Variants in NLRP13 observed in about 807,000 individuals in gnomAD.
The protein encoded by NLRP13 is NACHT, LRR and PYD domains-containing protein 13.
Under a neutral mutation model 94.4 loss-of-function variants are expected in NLRP13, and 82 were observed. The ratio of observed to expected loss-of-function variants is 0.87; its 90% CI spans 0.73 to 1.04. The LOEUF (loss-of-function observed/expected upper bound fraction) is 1.04. Among genes scored for constraint, NLRP13 ranks in the 50% least tolerant of loss-of-function variants. The probability of loss-of-function intolerance (pLI) is 0.00; values close to 1 mark genes in which losing one functional copy is unlikely to be tolerated. For missense variants in NLRP13, 1,426 were observed against 1,230.8 expected, an observed-to-expected ratio of 1.16 and a Z score of -2.37; for synonymous variants, 553 against 464.7, an observed-to-expected ratio of 1.19 and a Z score of -2.45.
intron 4 of NLRP13, among the ~76,000 whole-genome samples, chr19:55,920,348 C>G (rs77796996): frequency 0.018 from 2,714 of 152,160 alleles, 87 homozygotes; most frequent in African/African-American, 0.062. Context: ...TAAGAAGTTT[C>G]TACACAGCAA....
chr19:55,913,827 T>C (rs1351394080), intron 4 of NLRP13, among the ~76,000 whole-genome samples: 1 of 151,946 alleles, frequency 6.6e-6, no homozygotes, highest in East Asian at 1.9e-4. Flanking sequence ...CTCGTGAGTG[T>C]GCCCACTCCA....
chr19:55,909,352 C>T (rs1600266337), intron 6 of NLRP13, among the ~76,000 whole-genome samples: 1 of 152,130 alleles, frequency 6.6e-6, no homozygotes, highest in Non-Finnish European at 1.5e-5. Flanking sequence ...AGAGGACCCT[C>T]CCCCTGCTCA....
chr19:55,901,807 C>T (rs1424719444), intron 9 of NLRP13, among the ~76,000 whole-genome samples: 1 of 152,078 alleles, frequency 6.6e-6, no homozygotes, highest in East Asian at 1.9e-4. Context: ...CCGAGTCCTC[C>T]CAGTGAAACA....
intron 8 of NLRP13, among the ~76,000 whole-genome samples, chr19:55,904,599 C>T (rs10500319): frequency 0.037 from 5,594 of 152,234 alleles, 293 homozygotes; most frequent in East Asian, 0.27. Flanking sequence ...ACTCATAAAA[C>T]TATACCTTCC....
intron 4 of NLRP13, among the ~76,000 whole-genome samples, chr19:55,915,490 C>T (rs572266614): frequency 8.5e-5 from 13 of 152,076 alleles, no homozygotes; most frequent in African/African-American, 1.4e-4. Context: ...CCCAGCTACT[C>T]GGGAGGCTGA....
Position 55,912,060 on chromosome 19 carries a change from A to G in NLRP13, c.1757T>C (p.Leu586Pro), listed in dbSNP as rs767498357. 9.4e-5 allele frequency: 152 copies of G among 1,614,126 alleles called. No individual in the cohort carries two copies. The highest frequency in any genetic ancestry group is 1.8e-4 in the Admixed American group (11 of 60,010). ...DKEAYWTPVVLFFFGLLNKNI... is the reference protein window; with the variant it reads ...DKEAYWTPVVPFFFGLLNKNI... Reference sequence around the variant, plus strand: ...TTTATTTAAAAGACCAAAGAAGAACAGAACCACTGGAGTCCAGTAGGCTTC... The same window carrying G: ...TTTATTTAAAAGACCAAAGAAGAACGGAACCACTGGAGTCCAGTAGGCTTC... The change falls in exon 5 of 11, where the codon CTG becomes CCG. Residue 586 changes from leucine (L) to proline (P), a missense_variant. Transcript: ENST00000342929.
At chr19:55,911,224 G>A (rs973591331) in intron 5 of NLRP13, among the ~76,000 whole-genome samples, 8 of 152,064 alleles carry the variant, frequency 5.3e-5, no homozygotes, top group African/African-American at 9.7e-5. Flanking sequence ...CTTGGGGGAG[G>A]TTATTTTTTA....
chr19:55,906,645 G>A (rs1986360960), intron 7 of NLRP13, among the ~76,000 whole-genome samples: 1 of 152,100 alleles, frequency 6.6e-6, no homozygotes, highest in South Asian at 2.1e-4. Context: ...TTCTCAGTGA[G>A]TTTGAGAAAG....
At chr19:55,893,579 G>C (rs1192981281), downstream of NLRP13, among the ~76,000 whole-genome samples, 1 of 152,040 alleles carries the variant, frequency 6.6e-6, no homozygotes, top group African/African-American at 2.4e-5. Flanking sequence ...TGATGGCACG[G>C]GAACCCCTTT....
rs372028685 is a variant in NLRP13, at chr19:55,911,752, G to A, written c.2065C>T (p.Leu689Phe). 15 of 1,613,174 alleles carry A rather than the reference G, an allele frequency of 9.3e-6. No individual in the cohort carries two copies. In the Admixed American group the frequency reaches 1.2e-4, roughly 13 times the overall value. ...KHCKRLNKLRLSVSSHILERD... is the reference protein window; with the variant it reads ...KHCKRLNKLRFSVSSHILERD... ...TCAAGGATGTGACTGCTAACAGAAA[G>A]CCTTAGCTTATTTAACCTTTTACAG... The change falls in exon 5 of 11, where the codon CTT becomes TTT. Residue 689 changes from leucine (L) to phenylalanine (F), a missense_variant. Transcript: ENST00000342929.
At chr19:55,907,429 G>A (rs187010322) in intron 7 of NLRP13, among the ~76,000 whole-genome samples, 1 of 152,244 alleles carries the variant, frequency 6.6e-6, no homozygotes, top group Admixed American at 6.5e-5. Context: ...AAAATTCACT[G>A]GGTGTGGTGG....
downstream of NLRP13, among the ~76,000 whole-genome samples, chr19:55,893,826 TGATA>T (rs1985924622): frequency 6.6e-6 from 1 of 152,206 alleles, no homozygotes; most frequent in Admixed American, 6.5e-5. Context: ...CACACATGCA[TGATA>T]GACAGCAGAG....
In NLRP13 at chr19:55,912,544, G is replaced by T. The variant is rs141427933; in HGVS notation, c.1273C>A (p.Pro425Thr). The T allele has an allele frequency of 3.1e-6, 5 of 1,613,994 alleles. No homozygotes were observed. The African/African-American group carries it at 5.3e-5, about 17-fold the overall frequency. Residue 425 changes from proline (P) to threonine (T), a missense_variant, in exon 5 of 11, where the codon CCC becomes ACC. By Grantham distance (38) the Pro-to-Thr change is conservative. Transcript: ENST00000342929. Reference sequence around the variant, plus strand: ...GAACATACGGTCCAACACACCATGGGGGCACTGCAGGAATGAAAGAGAGTT... The same window carrying T: ...GAACATACGGTCCAACACACCATGGTGGCACTGCAGGAATGAAAGAGAGTT... ...NETLFHSCSAPMVCWTVCSCL... is the reference protein window; with the variant it reads ...NETLFHSCSATMVCWTVCSCL...
intron 10 of NLRP13, among the ~76,000 whole-genome samples, chr19:55,897,478 C>G (rs1986046655): frequency 6.6e-6 from 1 of 152,160 alleles, no homozygotes; most frequent in African/African-American, 2.4e-5. Flanking sequence ...TGCACTCCAG[C>G]CTGGGTGACA....
chr19:55,906,337 C>CAAAGAAA (rs1986347149), intron 7 of NLRP13, among the ~76,000 whole-genome samples: 1 of 60,982 alleles, frequency 1.6e-5, no homozygotes, highest in Non-Finnish European at 2.8e-5. Flanking sequence ...GACTCCATCT[C>CAAAGAAA]AAAAAAAAAA....
In NLRP13 at chr19:55,912,967, A is replaced by T. The variant is rs753529486; in HGVS notation, c.850T>A (p.Leu284Met). Reference protein sequence around the residue: ...RYMKETTFAELISLDWPDFDA... With the variant: ...RYMKETTFAEMISLDWPDFDA... ...AAATCGGGCCAATCCAAAGAAATCA[A>T]TTCAGCAAAGGTAGTTTCCTTCATG... The change falls in exon 5 of 11, where the codon TTG becomes ATG. Residue 284 changes from leucine to methionine, a missense_variant. By Grantham distance (15) the Leu-to-Met change is conservative. Transcript: ENST00000342929. 1.8e-5 allele frequency: 29 copies of T among 1,614,018 alleles called. No individual in the cohort carries two copies. Among genetic ancestry groups the T allele is most frequent in the Non-Finnish European group, 2.4e-5 (28 of 1,179,978 alleles).
chr19:55,913,368 C>T, intron 4 of NLRP13, 75 bp from the exon 5 acceptor site: 1 of 1,467,980 alleles, frequency 6.8e-7, no homozygotes, highest in South Asian at 1.3e-5. Flanking sequence ...TACAAAGTTC[C>T]TACCCCAAAG....
In NLRP13 at chr19:55,931,566, G is replaced by A. The variant is rs369209014; in HGVS notation, c.319+427C>T. The stretch of plus-strand genomic sequence containing the variant: ...TACTAAAAATACAAAAAAATTAGCC[G>A]GGTGTGGTGGCGGGCGCCTGTAGTC... On this transcript the variant is annotated intron_variant, in intron 1 of 10. Coordinates refer to ENST00000342929, the MANE Select transcript of NLRP13 (RefSeq NM_176810.2). Among the ~76,000 whole-genome samples the A allele has an allele frequency of 8.1e-4, 123 of 150,936 alleles. No individual in the cohort carries two copies. In the East Asian group the frequency reaches 0.022, roughly 27 times the overall value.
Position 55,902,127 on chromosome 19 carries a change from G to A in NLRP13, c.2697C>T (p.His899=). The A allele has an allele frequency of 6.2e-7, 1 of 1,614,104 alleles. No individual in the cohort carries two copies. The highest frequency in any genetic ancestry group is 1.1e-5 in the South Asian group (1 of 91,088). The change falls in exon 9 of 11, where the codon CAC becomes CAT. Residue 899 remains histidine (H), a synonymous_variant. Coordinates refer to ENST00000342929, the MANE Select transcript of NLRP13 (RefSeq NM_176810.2). The part of the protein sequence containing the change: ...DALLQNRSLT[H]LNLSKNSLRD... ...TCAGGCTGTTCTTGCTCAGATTCAG[G>A]TGTGTCAGGCTCCTGTTCTGCAGGA...
Sources: allele counts gnomAD v4.1 joint callset (sites outside exome capture counted in the v4.1 genomes callset), GRCh38; gene constraint gnomAD v4.1.1; transcripts MANE v1.5; gene names NCBI Gene and HGNC (gene_info 2026-07-23, HGNC 2026-07-21).